SORBS2: variants seen among roughly 807,000 people sequenced by gnomAD.
SORBS2 encodes the protein sorbin and SH3 domain containing 2, also known as sorbin and SH3 domain-containing protein 2.
SORBS2 carries 46 observed loss-of-function variants against 97.7 expected under a neutral mutation model. The observed-to-expected ratio is 0.47, with a 90% CI of 0.37 to 0.60. The LOEUF (loss-of-function observed/expected upper bound fraction) is 0.60. Among genes scored for constraint, SORBS2 ranks in the 20% least tolerant of loss-of-function variants. SORBS2 has a pLI of 0.00. For missense variants in SORBS2, 1,316 were observed against 1,282.3 expected, an observed-to-expected ratio of 1.03 and a Z score of -0.40; for synonymous variants, 476 against 473.4, an observed-to-expected ratio of 1.01 and a Z score of -0.07.
intron 1 of SORBS2, among the ~76,000 whole-genome samples, chr4:185,869,802 T>C (rs184937081): frequency 6.6e-6 from 1 of 152,358 alleles, no homozygotes; most frequent in East Asian, 1.9e-4. Context: ...GCCTCATTTC[T>C]GCTTTGACTC....
chr4:185,867,386 T>C (rs1472904775), intron 1 of SORBS2, among the ~76,000 whole-genome samples: 1 of 152,226 alleles, frequency 6.6e-6, no homozygotes, highest in Non-Finnish European at 1.5e-5. Context: ...CTTTAGGCTT[T>C]GAGTTATGAC....
chr4:185,819,341 C>A (rs369656054), intron 1 of SORBS2, among the ~76,000 whole-genome samples: 1 of 152,328 alleles, frequency 6.6e-6, no homozygotes, highest in African/African-American at 2.4e-5. Flanking sequence ...CCATCAGGTC[C>A]ATGTTCCAGG....
At chr4:185,859,269 G>A (rs768725243) in intron 1 of SORBS2, among the ~76,000 whole-genome samples, 1 of 152,070 alleles carries the variant, frequency 6.6e-6, no homozygotes, top group Non-Finnish European at 1.5e-5. Context: ...GATTCCTTAG[G>A]GTAGAAAATA....
chr4:185,593,816 A>G (rs975478152), intron 13 of SORBS2, 70 bp downstream of exon 25: 73 of 989,618 alleles, frequency 7.4e-5, no homozygotes, highest in East Asian at 6.0e-4. Context: ...TACATCTTAC[A>G]TTTTGGTACA....
At chr4:185,731,699 CCTGCCTGTCTCT>C in intron 2 of SORBS2, among the ~76,000 whole-genome samples, 1 of 90,152 alleles carries the variant, frequency 1.1e-5, no homozygotes, top group Non-Finnish European at 2.2e-5. Context: ...TCCCTCCCTC[CCTGCCTGTCTCT>C]CTCCCTCCCT....
At chr4:185,767,310 AAC>A (rs70962593) in intron 2 of SORBS2, among the ~76,000 whole-genome samples, 30,305 of 137,562 alleles carry the variant, frequency 0.22, 3,864 homozygotes, top group Admixed American at 0.29. Flanking sequence ...CAGCCTGGCT[AAC>A]ACACGGTGAA....
At chr4:185,723,771 T>C (rs945030619) in intron 2 of SORBS2, among the ~76,000 whole-genome samples, 1 of 152,184 alleles carries the variant, frequency 6.6e-6, no homozygotes, top group South Asian at 2.1e-4. Flanking sequence ...AAGTAATTCA[T>C]AGACACAGGG....
chr4:185,887,428 C>T (rs1251934905), intron 1 of SORBS2, among the ~76,000 whole-genome samples: 5 of 152,202 alleles, frequency 3.3e-5, no homozygotes, highest in Admixed American at 2.6e-4. Context: ...AAGAACCACG[C>T]TGTGGCTTCA....
At chr4:185,818,555 T>C (rs2099194730) in intron 1 of SORBS2, among the ~76,000 whole-genome samples, 1 of 152,100 alleles carries the variant, frequency 6.6e-6, no homozygotes. Flanking sequence ...ACTGAGAACA[T>C]TCTTCTGGAC....
intron 1 of SORBS2, among the ~76,000 whole-genome samples, chr4:185,914,861 G>A (rs566134583): frequency 3.9e-5 from 6 of 152,214 alleles, no homozygotes; most frequent in Non-Finnish European, 5.9e-5. Flanking sequence ...GTGCTGAAAT[G>A]TTTATACACA....
chr4:185,727,668 AC>A (rs1404366866), intron 2 of SORBS2, among the ~76,000 whole-genome samples: 1 of 152,226 alleles, frequency 6.6e-6, no homozygotes, highest in East Asian at 1.9e-4. Context: ...AGGTTATTAA[AC>A]CATTTTGTAA....
At chr4:185,680,701 G>A (rs1479274907) in intron 2 of SORBS2, among the ~76,000 whole-genome samples, 1 of 152,156 alleles carries the variant, frequency 6.6e-6, no homozygotes, top group Non-Finnish European at 1.5e-5. Context: ...TGGGGACGAG[G>A]TAATGGGACC....
chr4:185,784,289 T>G (rs140021425), intron 1 of SORBS2, among the ~76,000 whole-genome samples: 4,454 of 152,030 alleles, frequency 0.029, 221 homozygotes, highest in African/African-American at 0.1. Flanking sequence ...CTGCCACCAC[T>G]CCCGGCTAAT....
intron 2 of SORBS2, among the ~76,000 whole-genome samples, chr4:185,736,104 C>T (rs925966751): frequency 1.1e-4 from 17 of 152,234 alleles, no homozygotes; most frequent in African/African-American, 3.9e-4. Context: ...CTGGCTCAGA[C>T]ACACTCTCCA....
chr4:185,661,212 G>T (rs979684540), upstream of SORBS2, among the ~76,000 whole-genome samples: 6 of 151,536 alleles, frequency 4.0e-5, no homozygotes, highest in African/African-American at 1.5e-4. Flanking sequence ...GGAGGCAGAG[G>T]TTGCAGTGAG....
rs112476756 is a variant in SORBS2, at chr4:185,667,648, TG to T, written c.-45-5407del. Among the ~76,000 whole-genome samples the T allele has an allele frequency of 6.3e-3, 649 of 102,300 alleles. 2 individuals are homozygous for T. The highest frequency in any genetic ancestry group is 7.9e-3 in the Non-Finnish European group (365 of 46,360). The allele number at this position is 102,300 out of a possible 152,430, so 67.1% of individuals were successfully genotyped here. On this transcript the variant is annotated intron_variant, in intron 4 of 20. Coordinates refer to the SORBS2 transcript ENST00000284776. ...TTTCTTGTCCTAATCTTACTTAATA[TG>T]ATTTTTTTTCTTGTTTAAACATAGT... is the stretch of plus-strand genomic sequence containing the variant.
chr4:185,609,096 G>A (rs1055782766), intron 12 of SORBS2, among the ~76,000 whole-genome samples: 2 of 151,930 alleles, frequency 1.3e-5, no homozygotes, highest in African/African-American at 4.8e-5. Context: ...CTGCTTAGCT[G>A]CTGACACACA....
chr4:185,723,682 G>A (rs2098534241), intron 2 of SORBS2, among the ~76,000 whole-genome samples: 1 of 152,172 alleles, frequency 6.6e-6, no homozygotes, highest in Non-Finnish European at 1.5e-5. Flanking sequence ...AAATGTAACA[G>A]CTTTTGAAGT....
intron 1 of SORBS2, among the ~76,000 whole-genome samples, chr4:185,796,358 TACTC>T (rs1413131569): frequency 6.6e-6 from 1 of 152,384 alleles, no homozygotes; most frequent in African/African-American, 2.4e-5. Context: ...TGCTCGATTT[TACTC>T]ACTATCTCTC....
Sources: gnomAD v4.1 joint callset for allele counts (sites outside exome capture counted in the v4.1 genomes callset) on GRCh38, gnomAD v4.1.1 for gene constraint, MANE v1.5 for transcripts, NCBI Gene and HGNC (gene_info 2026-07-23, HGNC 2026-07-21) for gene names.